Variants in SAMD12 observed in about 807,000 individuals in gnomAD.
SAMD12 encodes sterile alpha motif domain-containing protein 12.
SAMD12 carries 9 observed loss-of-function variants against 15.0 expected under a neutral mutation model. The observed-to-expected ratio is 0.60, with a 90% CI of 0.36 to 1.05. The LOEUF (loss-of-function observed/expected upper bound fraction) is 1.05. Among genes scored for constraint, SAMD12 ranks in the 50% least tolerant of loss-of-function variants. The pLI is 0.01. For missense variants in SAMD12, 230 were observed against 234.2 expected (o/e 0.98, Z 0.12); for synonymous variants, 86 against 90.1 (o/e 0.96, Z 0.25).
intron 3 of SAMD12, among the ~76,000 whole-genome samples, chr8:118,429,541 G>A (rs1822335120): frequency 1.3e-5 from 2 of 151,856 alleles, no homozygotes; most frequent in Admixed American, 6.6e-5. Context: ...TAATCTTTTT[G>A]TCTTTATTTC....
intron 2 of SAMD12, among the ~76,000 whole-genome samples, chr8:118,579,297 C>CGTTT (rs1350771023): frequency 3.3e-5 from 5 of 152,086 alleles, no homozygotes; most frequent in Admixed American, 1.3e-4. Context: ...ACCCTTAAGG[C>CGTTT]GTTTTTTCCT....
chr8:118,321,156 T>TC (rs1563761519), intron 4 of SAMD12, among the ~76,000 whole-genome samples: 2 of 62,184 alleles, frequency 3.2e-5, no homozygotes, highest in African/African-American at 2.0e-4. Flanking sequence ...TATATATATA[T>TC]ATATATATAT....
chr8:118,615,848 C>T (rs1586859604), intron 1 of SAMD12, among the ~76,000 whole-genome samples: 1 of 152,146 alleles, frequency 6.6e-6, no homozygotes, highest in African/African-American at 2.4e-5. Flanking sequence ...TACAACAGTA[C>T]AATTAGACTG....
At chr8:118,183,767 C>T in the SAMD12 span, among the ~76,000 whole-genome samples, 1 of 152,050 alleles carries the variant, frequency 6.6e-6, no homozygotes, top group African/African-American at 2.4e-5. Context: ...TTTTAGTGTA[C>T]TCATCACCCA....
At chr8:118,425,084 GC>G (rs1241181757) in intron 3 of SAMD12, among the ~76,000 whole-genome samples, 1 of 151,818 alleles carries the variant, frequency 6.6e-6, no homozygotes, top group Non-Finnish European at 1.5e-5. Flanking sequence ...GACTACAGGC[GC>G]CCGCCACCAC....
rs183404413 is a variant in SAMD12, at chr8:118,519,619, T to C, written c.192+61096A>G. Among the ~76,000 whole-genome samples, 10 of 152,280 alleles carry C rather than the reference T, an allele frequency of 6.6e-5. No homozygotes were observed. In the East Asian group the frequency reaches 1.5e-3, roughly 24 times the overall value. On this transcript the variant is annotated intron_variant, in intron 2 of 3. Transcript: ENST00000314727. Reference sequence around the variant, plus strand: ...ACCTTTGCTTGCAAGTGACATACAATATTGGATGATCGTATCTTTGAGTTG... The same window carrying C: ...ACCTTTGCTTGCAAGTGACATACAACATTGGATGATCGTATCTTTGAGTTG...
At chr8:118,486,118 TAAAAG>T (rs1824269288) in intron 2 of SAMD12, among the ~76,000 whole-genome samples, 1 of 152,082 alleles carries the variant, frequency 6.6e-6, no homozygotes, top group South Asian at 2.1e-4. Flanking sequence ...AGCCCAAACT[TAAAAG>T]AAGAGAGTAG....
chr8:118,169,551 C>T, the SAMD12 span, among the ~76,000 whole-genome samples: 1 of 152,104 alleles, frequency 6.6e-6, no homozygotes, highest in Non-Finnish European at 1.5e-5. Flanking sequence ...ATAAGATTTG[C>T]TTGAAGAAAA....
intron 2 of SAMD12, among the ~76,000 whole-genome samples, chr8:118,574,160 A>G (rs964385062): frequency 5.9e-5 from 9 of 152,196 alleles, no homozygotes; most frequent in Admixed American, 5.2e-4. Context: ...TTATAGGCAG[A>G]AGGGATGGCA....
intron 1 of SAMD12, among the ~76,000 whole-genome samples, chr8:118,588,915 C>T (rs1043379297): frequency 3.3e-5 from 5 of 152,172 alleles, no homozygotes; most frequent in Non-Finnish European, 7.3e-5. Flanking sequence ...CAAATTTCTC[C>T]TTGGTCAGCT....
At chr8:118,299,399 T>C (rs923498601) in intron 4 of SAMD12, among the ~76,000 whole-genome samples, 1 of 152,200 alleles carries the variant, frequency 6.6e-6, no homozygotes, top group Non-Finnish European at 1.5e-5. Context: ...GCAGGCTCTC[T>C]GCTCTCAACA....
intron 1 of SAMD12, among the ~76,000 whole-genome samples, chr8:118,591,313 C>G (rs1315402724): frequency 6.6e-6 from 1 of 152,098 alleles, no homozygotes; most frequent in African/African-American, 2.4e-5. Flanking sequence ...AGTTGAAATC[C>G]AAGCTCTACC....
chr8:118,376,868 A>G (rs1291507167), downstream of SAMD12, among the ~76,000 whole-genome samples: 3 of 152,174 alleles, frequency 2.0e-5, no homozygotes, highest in African/African-American at 7.2e-5. Flanking sequence ...GTGAATTTCT[A>G]TATGATATAT....
At chr8:118,204,781 A>G (rs1819816370) in intron 4 of SAMD12, among the ~76,000 whole-genome samples, 1 of 152,174 alleles carries the variant, frequency 6.6e-6, no homozygotes, top group South Asian at 2.1e-4. Context: ...AAAAAATATA[A>G]TAAAAGAATC....
exon 5 of SAMD12, chr8:118,197,528 G>T: frequency 1.5e-6 from 1 of 665,908 alleles, no homozygotes; most frequent in Non-Finnish European, 2.7e-6. Context: ...TAAATCCACA[G>T]CAAAGCAAGA....
At chr8:118,578,915 C>T (rs1447068769) in intron 2 of SAMD12, among the ~76,000 whole-genome samples, 3 of 152,144 alleles carry the variant, frequency 2.0e-5, no homozygotes, top group Non-Finnish European at 4.4e-5. Context: ...TTTGCATAAA[C>T]TCAAATGAAT....
intron 4 of SAMD12, among the ~76,000 whole-genome samples, chr8:118,303,923 G>A (rs1267611783): frequency 6.6e-6 from 1 of 152,152 alleles, no homozygotes; most frequent in African/African-American, 2.4e-5. Flanking sequence ...GGCTATAAAA[G>A]CCCGACAACG....
At chr8:118,206,212 T>C (rs1017689585) in intron 4 of SAMD12, among the ~76,000 whole-genome samples, 1 of 152,214 alleles carries the variant, frequency 6.6e-6, no homozygotes, top group East Asian at 1.9e-4. Flanking sequence ...TGTTTAATCA[T>C]AGCCTTGAGA....
At chr8:118,506,648 T>C (rs1824928850) in intron 2 of SAMD12, among the ~76,000 whole-genome samples, 1 of 152,098 alleles carries the variant, frequency 6.6e-6, no homozygotes, top group South Asian at 2.1e-4. Context: ...GTGTATTTGA[T>C]ACCATGACCA....
Sources: allele counts gnomAD v4.1 joint callset (sites outside exome capture counted in the v4.1 genomes callset), GRCh38; gene constraint gnomAD v4.1.1; transcripts MANE v1.5; gene names NCBI Gene and HGNC (gene_info 2026-07-23, HGNC 2026-07-21).